The following COMT variants were observed in gnomAD, a reference collection of about 807,000 sequenced individuals.
The protein encoded by COMT is catechol O-methyltransferase.
In COMT, 13 loss-of-function variants were observed where a neutral mutation model predicts 18.9. The observed-to-expected ratio is 0.69, with a 90% CI of 0.45 to 1.09. The LOEUF (loss-of-function observed/expected upper bound fraction) is 1.09, where lower values mean the gene tolerates loss of function less well. Among genes scored for constraint, COMT ranks in the 50% least tolerant of loss-of-function variants. The pLI, the probability that COMT is intolerant of heterozygous loss-of-function variation, is 0.00. For missense variants in COMT, 329 were observed against 361.8 expected, an observed-to-expected ratio of 0.91 and a Z score of 0.73; for synonymous variants, 150 against 160.9, an observed-to-expected ratio of 0.93 and a Z score of 0.51.
rs934782448 is a variant in COMT, at chr22:19,968,976, A to G, written c.*240A>G. 2 of 436,430 alleles carry G rather than the reference A, an allele frequency of 4.6e-6. No individual in the cohort carries two copies. Among genetic ancestry groups the G allele is most frequent in the African/African-American group, 4.0e-5 (2 of 50,450 alleles). The allele number at this position is 436,430 out of a possible 1,614,324, so 27.0% of individuals were successfully genotyped here. On this transcript the variant is annotated 3_prime_UTR_variant, in exon 6 of 6. Transcript: ENST00000361682. ...TAGCTATATTATCTTATATACTAATATCATGTTTTAAAAATATAAAATAGA... is the reference window on the plus strand; with the variant it reads ...TAGCTATATTATCTTATATACTAATGTCATGTTTTAAAAATATAAAATAGA...
chr22:19,947,819 G>A (rs1032977567), intron 1 of COMT, among the ~76,000 whole-genome samples: 3 of 152,104 alleles, frequency 2.0e-5, no homozygotes, highest in East Asian at 1.9e-4. Context: ...TTCCTTTCCC[G>A]GTCTGCTAAG....
At position 19,968,641 on chromosome 22, in the gene COMT, T is replaced by G; in HGVS notation, c.721T>G (p.Cys241Gly). 6.2e-7 allele frequency: 1 copy of G among 1,614,002 alleles called. No individual in the cohort carries two copies. Among genetic ancestry groups the G allele is most frequent in the Non-Finnish European group, 8.5e-7 (1 of 1,179,974 alleles). Residue 241 changes from cysteine (C) to glycine (G), a missense_variant, in exon 6 of 6, where the codon TGC becomes GGC. Cys to Gly is a radical substitution (Grantham distance 159, BLOSUM62 -3). Coordinates refer to ENST00000361682, the MANE Select transcript of COMT (RefSeq NM_000754.4). ...AHVRGSSCFE[C>G]THYQSFLEYR... ...CGTGCGCGGGAGCAGCTGCTTTGAG[T>G]GCACACACTACCAATCGTTCCTGGA...
chr22:19,969,066 T>C lies in COMT; in HGVS notation c.*330T>C, dbSNP rs1942597471. On this transcript the variant is annotated 3_prime_UTR_variant, in exon 6 of 6. Transcript: ENST00000361682. Reference sequence around the variant, plus strand: ...ACATCCTTCTCAACTGCCATTCCCCTGCTGCCCTTGACTTGGGCACCAAAC... The same window carrying C: ...ACATCCTTCTCAACTGCCATTCCCCCGCTGCCCTTGACTTGGGCACCAAAC... 1 of 251,390 alleles carries C rather than the reference T, an allele frequency of 4.0e-6. No individual in the cohort carries two copies. The highest frequency in any genetic ancestry group is 7.9e-6 in the Non-Finnish European group (1 of 125,986). The allele number at this position is 251,390 out of a possible 1,614,324, so 15.6% of individuals were successfully genotyped here.
intron 5 of COMT, among the ~76,000 whole-genome samples, chr22:19,966,482 C>G (rs1250366199): frequency 6.6e-6 from 1 of 151,768 alleles, no homozygotes; most frequent in Non-Finnish European, 1.5e-5. Flanking sequence ...TGCTCTGTGC[C>G]CAGGCTGGAG....
In COMT at chr22:19,957,232, G is replaced by A. The variant is rs375312292; in HGVS notation, c.-91-3967G>A. On this transcript the variant is annotated intron_variant, in intron 1 of 5. Transcript: ENST00000361682. Reference sequence around the variant, plus strand: ...CCCAAAGTGCTGGGATTACAGGCATGAGCCACCGCGCCCGGCCAGCATTCC... The same window carrying A: ...CCCAAAGTGCTGGGATTACAGGCATAAGCCACCGCGCCCGGCCAGCATTCC... Among the ~76,000 whole-genome samples, 8 of 152,272 alleles carry A rather than the reference G, an allele frequency of 5.3e-5. No individual in the cohort carries two copies. In the South Asian group the frequency reaches 8.3e-4, roughly 16 times the overall value.
At chr22:19,961,151 T>A (rs1942183474) in intron 1 of COMT, 48 bp from the exon 2 acceptor site, 1 of 152,202 alleles carries the variant, frequency 6.6e-6, no homozygotes, top group South Asian at 2.1e-4. Context: ...CATCGCCAGG[T>A]TAGGGTTTAT....
chr22:19,967,563 C>T (rs910041216), intron 5 of COMT: 6 of 368,810 alleles, frequency 1.6e-5, no homozygotes, highest in South Asian at 4.1e-5. Flanking sequence ...TGGAAACGAC[C>T]GCCACCCACC....
intron 1 of COMT, among the ~76,000 whole-genome samples, chr22:19,954,364 T>C (rs550048121): frequency 9.6e-4 from 146 of 152,302 alleles, no homozygotes; most frequent in African/African-American, 3.2e-3. Flanking sequence ...CCTTTCCCTA[T>C]GTAGGGTGCA....
At chr22:19,957,270 A>C (rs1360110820) in intron 1 of COMT, among the ~76,000 whole-genome samples, 1 of 152,164 alleles carries the variant, frequency 6.6e-6, no homozygotes, top group Non-Finnish European at 1.5e-5. Flanking sequence ...TCTTTTAAAG[A>C]AAGATGAGAC....
intron 5 of COMT, 23 bp from the exon 6 acceptor site, chr22:19,968,513 C>T (rs1363114798): frequency 1.2e-6 from 2 of 1,610,360 alleles, no homozygotes; most frequent in African/African-American, 1.3e-5. Context: ...CCTCACCTCC[C>T]CCACCCCCCG....
intron 1 of COMT, among the ~76,000 whole-genome samples, chr22:19,953,440 C>T (rs541369456): frequency 6.6e-6 from 1 of 152,146 alleles, no homozygotes; most frequent in Admixed American, 6.5e-5. Context: ...ACTACAGGCA[C>T]CCGCCACCAT....
rs372414281 is a variant in COMT at position 19,968,979 on chromosome 22, A to G, written c.*243A>G. On this transcript the variant is annotated 3_prime_UTR_variant, in exon 6 of 6. Coordinates refer to ENST00000361682, the MANE Select transcript of COMT (RefSeq NM_000754.4). Reference sequence around the variant, plus strand: ...CTATATTATCTTATATACTAATATCATGTTTTAAAAATATAAAATAGAAAT... The same window carrying G: ...CTATATTATCTTATATACTAATATCGTGTTTTAAAAATATAAAATAGAAAT... 4.7e-6 allele frequency: 2 copies of G among 423,684 alleles called. No homozygotes were observed. 26.2% of individuals were successfully genotyped at this position (423,684 alleles called of 1,614,324 possible).
At position 19,964,250 on chromosome 22, in the gene COMT, T is replaced by C; in HGVS notation, c.566T>C (p.Phe189Ser). The change falls in exon 5 of 6, where the codon TTC becomes TCC. Residue 189 changes from phenylalanine (F) to serine (S), a missense_variant. Transcript: ENST00000361682. ...KYDVDTLDMV[F>S]LDHWKDRYLP... ...GATGTGGACACACTGGACATGGTCT[T>C]CCTCGACCACTGGAAGGACCGGTAC... 6.2e-7 allele frequency: 1 copy of C among 1,614,106 alleles called. No homozygotes were observed. The highest frequency in any genetic ancestry group is 1.1e-5 in the South Asian group (1 of 91,086).
intron 1 of COMT, among the ~76,000 whole-genome samples, chr22:19,949,787 C>T (rs1435487847): frequency 1.3e-5 from 2 of 152,082 alleles, no homozygotes; most frequent in Non-Finnish European, 2.9e-5. Context: ...ACAAGTAAAA[C>T]TGGGAAGAAG....
intron 1 of COMT, among the ~76,000 whole-genome samples, chr22:19,949,408 T>A (rs1438125117): frequency 2.6e-5 from 4 of 152,184 alleles, no homozygotes. Flanking sequence ...CCTCTTTTTG[T>A]AATTTTACTT....
intron 1 of COMT, among the ~76,000 whole-genome samples, chr22:19,949,589 A>G (rs543116174): frequency 1.3e-5 from 2 of 151,586 alleles, no homozygotes; most frequent in Admixed American, 1.3e-4. Flanking sequence ...ATTTTTAACC[A>G]TTAGTAACCG....
rs781461677 is a variant in COMT at position 19,962,587 on chromosome 22, G to C, written c.61G>C (p.Val21Leu). The change falls in exon 3 of 6, where the codon GTG (valine) becomes CTG (leucine). Residue 21 changes from valine (V) to leucine (L), a missense_variant. Coordinates refer to ENST00000361682, the MANE Select transcript of COMT (RefSeq NM_000754.4). ...GTTGCTGGGCCTGGTGCTGCTGGTG[G>C]TGCTGCTGCTGCTTCTGAGGCACTG... Reference protein sequence around the residue: ...AVLLGLVLLVVLLLLLRHWGW... With the variant: ...AVLLGLVLLVLLLLLLRHWGW... 12 of 1,578,898 alleles carry C rather than the reference G, an allele frequency of 7.6e-6. No individual in the cohort carries two copies. The African/African-American group carries it at 1.1e-4, about 14-fold the overall frequency.
chr22:19,947,995 C>T (rs1941867207), intron 1 of COMT, among the ~76,000 whole-genome samples: 2 of 152,156 alleles, frequency 1.3e-5, no homozygotes, highest in South Asian at 2.1e-4. Context: ...CACTTCTCAC[C>T]GTGTCCCTTC....
chr22:19,958,008 G>C (rs942253418), intron 1 of COMT, among the ~76,000 whole-genome samples: 19 of 152,156 alleles, frequency 1.2e-4, no homozygotes, highest in African/African-American at 4.6e-4. Flanking sequence ...GCATATTGGG[G>C]TACGAGTATC....
Sources: gnomAD v4.1 joint callset for allele counts (sites outside exome capture counted in the v4.1 genomes callset) on GRCh38, gnomAD v4.1.1 for gene constraint, MANE v1.5 for transcripts, NCBI Gene and HGNC (gene_info 2026-07-23, HGNC 2026-07-21) for gene names.